Variants in GIGYF2 observed in about 807,000 individuals in gnomAD.
GIGYF2 encodes the protein GRB10-interacting GYF protein 2.
GIGYF2 carries 25 observed loss-of-function variants against 208.1 expected under a neutral mutation model. The ratio of observed to expected loss-of-function variants is 0.12; its 90% CI spans 0.09 to 0.17. GIGYF2 has a LOEUF of 0.17. Among genes scored for constraint, GIGYF2 ranks in the 10% least tolerant of loss-of-function variants. GIGYF2 has a pLI of 1.00. For missense variants in GIGYF2, 1,302 were observed against 1,579.4 expected, an observed-to-expected ratio of 0.82 and a Z score of 2.98; for synonymous variants, 534 against 543.8, an observed-to-expected ratio of 0.98 and a Z score of 0.25.
At position 232,806,382 on chromosome 2, in the gene GIGYF2, C is replaced by T. The variant is rs1297217706; in HGVS notation, c.1640-109C>T. The T allele has an allele frequency of 1.2e-6, 1 of 821,174 alleles. No homozygotes were observed. Among genetic ancestry groups the T allele is most frequent in the Non-Finnish European group, 2.2e-6 (1 of 462,440 alleles). 50.9% of individuals were successfully genotyped at this position (821,174 alleles called of 1,614,324 possible). On this transcript the variant is annotated intron_variant, in intron 14 of 28. Coordinates refer to ENST00000373563, the MANE Select transcript of GIGYF2 (RefSeq NM_001103146.3). The surrounding 1 kb of genome is among the most constrained non-coding windows in gnomAD (Gnocchi z 4.0). The stretch of plus-strand genomic sequence containing the variant: ...GTGAATTAAATTAGATAGTATAAAA[C>T]ATTTTGACAGATGCCACCTCGATGA...
At chr2:232,767,916 C>A in intron 8 of GIGYF2, 1 of 419,400 alleles carries the variant, frequency 2.4e-6, no homozygotes, top group East Asian at 5.1e-5. Flanking sequence ...TAGTATCATA[C>A]CACATTCTTA....
At chr2:232,835,250 A>G (rs1559159583) in intron 22 of GIGYF2, among the ~76,000 whole-genome samples, 1 of 152,178 alleles carries the variant, frequency 6.6e-6, no homozygotes, top group Non-Finnish European at 1.5e-5. Context: ...GTTGATGGGC[A>G]GTTTTTAATT....
At chr2:232,785,105 T>C (rs1699870413) in intron 8 of GIGYF2, among the ~76,000 whole-genome samples, 1 of 151,510 alleles carries the variant, frequency 6.6e-6, no homozygotes, top group African/African-American at 2.4e-5. Flanking sequence ...TTTTTTTTAA[T>C]AAATTACCCA....
intron 2 of GIGYF2, chr2:232,730,186 C>G: frequency 6.9e-7 from 1 of 1,448,426 alleles, no homozygotes; most frequent in East Asian, 2.3e-5. Flanking sequence ...CTTTTCAGGT[C>G]TCTGAAATCC....
chr2:232,838,663 A>G (rs1243967054), intron 22 of GIGYF2, among the ~76,000 whole-genome samples: 2 of 152,092 alleles, frequency 1.3e-5, no homozygotes, highest in East Asian at 3.9e-4. Context: ...AGGTCCCTTC[A>G]GGTTATGCTG....
intron 20 of GIGYF2, among the ~76,000 whole-genome samples, chr2:232,818,591 TG>T (rs1700983371): frequency 6.6e-6 from 1 of 152,104 alleles, no homozygotes; most frequent in African/African-American, 2.4e-5. Context: ...AGTATAAATG[TG>T]TGGATTTATT....
Position 232,819,813 on chromosome 2 carries a change from T to A in GIGYF2, c.2371-14T>A. 1.9e-6 allele frequency: 1 copy of A among 523,052 alleles called. No homozygotes were observed. The highest frequency in any genetic ancestry group is 3.2e-6 in the Non-Finnish European group (1 of 315,152). The allele number at this position is 523,052 out of a possible 1,614,324, so 32.4% of individuals were successfully genotyped here. ...TCCCTCCCCCACCCCCCACCCTCCA[T>A]CTTTTTTCCTTAGGAAGAGGCTCTG... On this transcript the variant is annotated splice_polypyrimidine_tract_variant and intron_variant, in intron 20 of 28. Transcript: ENST00000373563.
rs372442274 is a variant in GIGYF2, at chr2:232,760,596, C to G, written c.491+5C>G. ...ATCGCAGAGCTGGGAGGAAAGGTAA[C>G]TGGATCCACATATTGGCATAAAAAT... On this transcript the variant is annotated splice_donor_5th_base_variant and intron_variant, in intron 7 of 28. Transcript: ENST00000373563. The G allele has an allele frequency of 1.9e-6, 3 of 1,571,558 alleles. No homozygotes were observed. The African/African-American group carries it at 4.1e-5, about 21-fold the overall frequency.
intron 2 of GIGYF2, among the ~76,000 whole-genome samples, chr2:232,710,161 A>G (rs554141661): frequency 6.6e-6 from 1 of 151,926 alleles, no homozygotes; most frequent in Non-Finnish European, 1.5e-5. Context: ...GGGTTTTACC[A>G]TGTTAGCCAG....
Position 232,767,499 on chromosome 2 carries a change from A to C in GIGYF2, c.532+6063A>C, listed in dbSNP as rs150909352. 8 of 152,730 alleles carry C rather than the reference A, an allele frequency of 5.2e-5. 1 individual carries two copies. The South Asian group carries it at 8.3e-4, about 16-fold the overall frequency. The allele number at this position is 152,730 out of a possible 1,614,324, so 9.5% of individuals were successfully genotyped here. A position where few individuals can be genotyped will look rare whatever the true frequency, so the allele number is the denominator to read the frequency against. ...TCCTTGCAATGCAAAATACCACCCC[A>C]CAGGTTCCATTTGGGCTGGAGCTTA... On this transcript the variant is annotated intron_variant, in intron 8 of 28. Coordinates refer to ENST00000373563, the MANE Select transcript of GIGYF2 (RefSeq NM_001103146.3).
intron 1 of GIGYF2, among the ~76,000 whole-genome samples, chr2:232,697,830 C>T (rs982559936): frequency 3.3e-5 from 5 of 152,258 alleles, no homozygotes; most frequent in African/African-American, 9.6e-5. Context: ...CCGGTAACAG[C>T]TGCTGCGGCC....
chr2:232,731,764 CAT>C (rs757167333), intron 2 of GIGYF2, among the ~76,000 whole-genome samples: 63 of 152,264 alleles, frequency 4.1e-4, no homozygotes, highest in Middle Eastern at 3.4e-3. Flanking sequence ...TTGAATCTAA[CAT>C]GTGTCAACTA....
chr2:232,818,141 G>A (rs1430342078), intron 20 of GIGYF2, among the ~76,000 whole-genome samples: 1 of 152,178 alleles, frequency 6.6e-6, no homozygotes, highest in Non-Finnish European at 1.5e-5. Flanking sequence ...AATGATTAGT[G>A]TTGTTGGGCA....
chr2:232,702,394 G>A (rs953743784), intron 1 of GIGYF2, among the ~76,000 whole-genome samples: 2 of 151,868 alleles, frequency 1.3e-5, no homozygotes, highest in East Asian at 1.9e-4. Flanking sequence ...AGCCCAGATC[G>A]TGCCACTGCA....
In GIGYF2 at chr2:232,844,590, A is replaced by AC. The variant is rs747257305; in HGVS notation, c.3305+18dup. 6.4e-7 allele frequency: 1 copy of AC among 1,566,418 alleles called. No individual in the cohort carries two copies. Among genetic ancestry groups the AC allele is most frequent in the East Asian group, 2.2e-5 (1 of 44,624 alleles). On this transcript the variant is annotated intron_variant, in intron 25 of 28. Coordinates refer to ENST00000373563, the MANE Select transcript of GIGYF2 (RefSeq NM_001103146.3). Reference sequence around the variant, plus strand: ...CCAGTCTCAGGTAGGGCTCAAAATGACCACACCTATGCACCTTGGTTGGTT... The same window carrying AC: ...CCAGTCTCAGGTAGGGCTCAAAATGACCCACACCTATGCACCTTGGTTGGTT...
intron 5 of GIGYF2, among the ~76,000 whole-genome samples, chr2:232,752,474 A>G (rs1698370357): frequency 6.6e-6 from 1 of 152,202 alleles, no homozygotes. Context: ...AATGCATTAC[A>G]CCTGCAATTT....
chr2:232,717,458 C>T (rs1212986545), intron 2 of GIGYF2, among the ~76,000 whole-genome samples: 1 of 152,110 alleles, frequency 6.6e-6, no homozygotes, highest in Non-Finnish European at 1.5e-5. Context: ...GTGAACTTTT[C>T]CAGCACTCCA....
chr2:232,818,271 A>C (rs1469690630), intron 20 of GIGYF2, among the ~76,000 whole-genome samples: 1 of 152,174 alleles, frequency 6.6e-6, no homozygotes, highest in Admixed American at 6.5e-5. Context: ...TAGTGTTTCT[A>C]AATAGGGAGC....
chr2:232,716,371 T>C lies in GIGYF2; in HGVS notation c.-44+12882T>C, dbSNP rs113265337. On this transcript the variant is annotated intron_variant, in intron 2 of 28. Coordinates refer to ENST00000373563, the MANE Select transcript of GIGYF2 (RefSeq NM_001103146.3). ...TTATTTTATCAAGATAATGGTGTTA[T>C]TTGTTTTTTTTTTTTTTTTTTTTTT... Among the ~76,000 whole-genome samples, 809 of 129,778 alleles carry C rather than the reference T, an allele frequency of 6.2e-3. 3 individuals are homozygous for C. Among genetic ancestry groups the C allele is most frequent in the African/African-American group, 0.023 (772 of 33,196 alleles). 85.1% of individuals were successfully genotyped at this position (129,778 alleles called of 152,430 possible).
Sources: gnomAD v4.1 joint callset for allele counts (sites outside exome capture counted in the v4.1 genomes callset) on GRCh38, gnomAD v4.1.1 for gene constraint, Gnocchi (gnomAD v3.1) non-coding constraint, MANE v1.5 for transcripts, NCBI Gene and HGNC (gene_info 2026-07-23, HGNC 2026-07-21) for gene names.